Variants in GALNT9 observed in about 807,000 individuals in gnomAD.
GALNT9 encodes the protein GalNAc transferase 9.
Under a neutral mutation model 63.1 loss-of-function variants are expected in GALNT9, and 47 were observed. That is an observed-to-expected ratio of 0.75 (90% confidence interval 0.59 to 0.95). The LOEUF (loss-of-function observed/expected upper bound fraction) is 0.95. Among genes scored for constraint, GALNT9 ranks in the 40% least tolerant of loss-of-function variants. GALNT9 has a pLI of 0.00. For synonymous variants in GALNT9, 396 were observed against 365.7 expected, an observed-to-expected ratio of 1.08 and a Z score of -0.94; for missense variants, 829 against 874.8, an observed-to-expected ratio of 0.95 and a Z score of 0.66.
rs530633098 is a variant in GALNT9, at chr12:132,263,785, G to A, written c.420-1160C>T. On this transcript the variant is annotated intron_variant, in intron 2 of 10. Transcript: ENST00000328957. ...AGACTCAAGGGGCCCCACAGGCACC[G>A]GCTGGGCCCGTGAAGTACTCACGCC... Among the ~76,000 whole-genome samples the A allele has an allele frequency of 3.3e-4, 50 of 152,320 alleles. No homozygotes were observed. The South Asian group carries it at 8.1e-3, about 25-fold the overall frequency.
intron 1 of GALNT9, among the ~76,000 whole-genome samples, chr12:132,325,088 C>T (rs1458481063): frequency 3.3e-5 from 5 of 152,226 alleles, no homozygotes; most frequent in South Asian, 2.1e-4. Flanking sequence ...CAAGTTCTTC[C>T]GGCGTCGTGC....
chr12:132,249,086 A>G (rs1878817941), intron 5 of GALNT9, among the ~76,000 whole-genome samples: 1 of 152,258 alleles, frequency 6.6e-6, no homozygotes, highest in South Asian at 2.1e-4. Flanking sequence ...AGGCAGGAAA[A>G]TCACATCTCC....
At chr12:132,323,279 C>T (rs1015062499) in intron 1 of GALNT9, among the ~76,000 whole-genome samples, 1 of 152,244 alleles carries the variant, frequency 6.6e-6, no homozygotes, top group Admixed American at 6.5e-5. Context: ...CAGCCCAGCA[C>T]ACGCCGACGC....
intron 5 of GALNT9, among the ~76,000 whole-genome samples, chr12:132,254,874 C>T (rs984745043): frequency 5.3e-5 from 8 of 152,312 alleles, no homozygotes; most frequent in South Asian, 2.1e-4. Flanking sequence ...TTGCCGGGAG[C>T]GGCTGTTGGG....
At position 132,246,305 on chromosome 12, in the gene GALNT9, G is replaced by C. The variant is rs568969416; in HGVS notation, c.1077+1605C>G. Among the ~76,000 whole-genome samples, 58 of 152,306 alleles carry C rather than the reference G, an allele frequency of 3.8e-4. No homozygotes were observed. The highest frequency in any genetic ancestry group is 1.3e-3 in the African/African-American group (56 of 41,566). On this transcript the variant is annotated intron_variant, in intron 6 of 10. Coordinates refer to ENST00000328957, the MANE Select transcript of GALNT9 (RefSeq NM_001122636.2). This position sits in a 1 kb window ranked among gnomAD's most constrained non-coding sequence, Gnocchi z 4.7. ...ATCGGACAGGATGAGAGGATTAAAGGCACCTGCAAACAGTCCTGACATCCT... is the reference window on the plus strand; with the variant it reads ...ATCGGACAGGATGAGAGGATTAAAGCCACCTGCAAACAGTCCTGACATCCT...
At position 132,319,515 on chromosome 12, in the gene GALNT9, C is replaced by T. The variant is rs182153438; in HGVS notation, c.238+9451G>A. On this transcript the variant is annotated intron_variant, in intron 1 of 10. Coordinates refer to ENST00000328957, the MANE Select transcript of GALNT9 (RefSeq NM_001122636.2). This position sits in a 1 kb window ranked among gnomAD's most constrained non-coding sequence, Gnocchi z 5.2. The stretch of plus-strand genomic sequence containing the variant: ...GCTTCCCGGGCCTGCAGCTTGCAGA[C>T]GGCAGATGATGGGGCCTCTTGGTCT... Among the ~76,000 whole-genome samples, 597 of 152,314 alleles carry T rather than the reference C, an allele frequency of 3.9e-3. 3 individuals carry two copies. The highest frequency in any genetic ancestry group is 6.4e-3 in the Non-Finnish European group (433 of 68,020).
chr12:132,271,819 C>G (rs991475126), intron 2 of GALNT9, among the ~76,000 whole-genome samples: 1 of 152,042 alleles, frequency 6.6e-6, no homozygotes, highest in Middle Eastern at 3.2e-3. Flanking sequence ...GGCTCCCACG[C>G]GTGGGAGGCC....
intron 6 of GALNT9, among the ~76,000 whole-genome samples, chr12:132,243,848 C>T (rs2136906033): frequency 1.5e-4 from 23 of 152,164 alleles, no homozygotes; most frequent in Non-Finnish European, 2.6e-4. Flanking sequence ...CATCAATCAC[C>T]GGCCAATCAC....
intron 5 of GALNT9, among the ~76,000 whole-genome samples, chr12:132,256,645 AGGGGGACACTGGAGGGGGGACGCTGGAG>A (rs1455917728): frequency 8.7e-5 from 4 of 45,888 alleles, no homozygotes; most frequent in South Asian, 2.1e-3. Flanking sequence ...GGGACGCTGG[AGGGGGACACTGGAGGGGGGACGCTGGAG>A]GGGGGACACT....
At position 132,212,150 on chromosome 12, in the gene GALNT9, T is replaced by C. The variant is rs12815923; in HGVS notation, c.1078-8460A>G. 7.6e-3 allele frequency among the ~76,000 whole-genome samples: 805 copies of C among 105,370 alleles called. 5 individuals carry two copies. Among genetic ancestry groups the C allele is most frequent in the Middle Eastern group, 0.027 (4 of 148 alleles). The allele number at this position is 105,370 out of a possible 152,430, so 69.1% of individuals were successfully genotyped here. On this transcript the variant is annotated intron_variant, in intron 6 of 10. Coordinates refer to ENST00000328957, the MANE Select transcript of GALNT9 (RefSeq NM_001122636.2). Reference sequence around the variant, plus strand: ...GGAAACCCCACCCGGGTCTACAGCCTTCACACCACGACACGGAAACCCCAC... The same window carrying C: ...GGAAACCCCACCCGGGTCTACAGCCCTCACACCACGACACGGAAACCCCAC...
In GALNT9 at chr12:132,236,443, T is replaced by C. The variant is rs2136894760; in HGVS notation, c.1077+11467A>G. On this transcript the variant is annotated intron_variant, in intron 6 of 10. Transcript: ENST00000328957. The surrounding 1 kb of genome is among the most constrained non-coding windows in gnomAD (Gnocchi z 5.6). ...GTCTGCGGAGCTCCCTGAGGCCCCA[T>C]AGCACCTGTCATCACGGCTGCCAGG... 0.027 allele frequency among the ~76,000 whole-genome samples: 4,088 copies of C among 151,868 alleles called. 146 individuals carry two copies. The highest frequency in any genetic ancestry group is 0.078 in the African/African-American group (3,221 of 41,406).
intron 1 of GALNT9, among the ~76,000 whole-genome samples, chr12:132,308,494 C>T (rs28591272): frequency 0.32 from 48,195 of 152,048 alleles, 8,809 homozygotes; most frequent in East Asian, 0.57. Context: ...GGTGCCTGCA[C>T]CTACCGGGTT....
chr12:132,219,161 C>T (rs1011191211), intron 6 of GALNT9, among the ~76,000 whole-genome samples: 7 of 152,134 alleles, frequency 4.6e-5, no homozygotes, highest in African/African-American at 7.2e-5. Context: ...AGAACGACAC[C>T]TGGTGGCTTT....
At chr12:132,226,156 C>T (rs1174156175) in intron 6 of GALNT9, among the ~76,000 whole-genome samples, 10 of 143,890 alleles carry the variant, frequency 6.9e-5, no homozygotes, top group East Asian at 2.1e-4. Context: ...CCCACACATA[C>T]ACCCCATACA....
chr12:132,225,087 CCA>C (rs1877599776), intron 6 of GALNT9, among the ~76,000 whole-genome samples: 2 of 134,468 alleles, frequency 1.5e-5, no homozygotes, highest in African/African-American at 2.8e-5. Context: ...AACCCACATG[CCA>C]CACACTGTAC....
rs1298847679 is a variant in GALNT9 at position 132,310,261 on chromosome 12, C to T, written c.238+18705G>A. On this transcript the variant is annotated intron_variant, in intron 1 of 10. Coordinates refer to ENST00000328957, the MANE Select transcript of GALNT9 (RefSeq NM_001122636.2). This position sits in a 1 kb window ranked among gnomAD's most constrained non-coding sequence, Gnocchi z 4.8. ...GCCCTCCAGGTCTCACCGGCCACACCGCGGTTCGGCATTTCAGTTGGGGTC... is the reference window on the plus strand; with the variant it reads ...GCCCTCCAGGTCTCACCGGCCACACTGCGGTTCGGCATTTCAGTTGGGGTC... 3.3e-5 allele frequency among the ~76,000 whole-genome samples: 5 copies of T among 152,116 alleles called. No homozygotes were observed. Among genetic ancestry groups the T allele is most frequent in the African/African-American group, 9.7e-5 (4 of 41,420 alleles).
chr12:132,327,889 C>G lies in GALNT9; in HGVS notation c.238+1077G>C, dbSNP rs1255713196. Among the ~76,000 whole-genome samples the G allele has an allele frequency of 6.6e-6, 1 of 151,796 alleles. No homozygotes were observed. Among genetic ancestry groups the G allele is most frequent in the Non-Finnish European group, 1.5e-5 (1 of 67,944 alleles). Reference sequence around the variant, plus strand: ...CTGAAGGAAACGCAAGACCACCCCCCGCCTTTGCCCCCACACACAGCAGGC... The same window carrying G: ...CTGAAGGAAACGCAAGACCACCCCCGGCCTTTGCCCCCACACACAGCAGGC... On this transcript the variant is annotated intron_variant, in intron 1 of 10. Coordinates refer to ENST00000328957, the MANE Select transcript of GALNT9 (RefSeq NM_001122636.2). This position sits in a 1 kb window ranked among gnomAD's most constrained non-coding sequence, Gnocchi z 4.3.
intron 1 of GALNT9, among the ~76,000 whole-genome samples, chr12:132,318,166 T>C (rs1474513159): frequency 1.3e-5 from 2 of 152,086 alleles, no homozygotes; most frequent in African/African-American, 2.4e-5. Flanking sequence ...CACTTGACCC[T>C]GGGTGGTGGG....
intron 1 of GALNT9, among the ~76,000 whole-genome samples, chr12:132,291,644 CA>C (rs1880857703): frequency 9.2e-6 from 1 of 108,766 alleles, no homozygotes; most frequent in African/African-American, 4.2e-5. Flanking sequence ...CCCACATCCA[CA>C]GCACCCAGGT....
Sources: gnomAD v4.1 joint callset for allele counts (sites outside exome capture counted in the v4.1 genomes callset) on GRCh38, gnomAD v4.1.1 for gene constraint, Gnocchi (gnomAD v3.1) non-coding constraint, MANE v1.5 for transcripts, NCBI Gene and HGNC (gene_info 2026-07-23, HGNC 2026-07-21) for gene names.